KICS2: variants seen among roughly 807,000 people sequenced by gnomAD.
The protein encoded by KICS2 is KICSTOR subunit 2.
Under a neutral mutation model 31.4 loss-of-function variants are expected in KICS2, and 13 were observed. The ratio of observed to expected loss-of-function variants is 0.41; its 90% CI spans 0.27 to 0.66. The LOEUF (loss-of-function observed/expected upper bound fraction) is 0.66. Among genes scored for constraint, KICS2 ranks in the 30% least tolerant of loss-of-function variants. KICS2 has a pLI of 0.28. For synonymous variants in KICS2, 209 were observed against 214.8 expected, an observed-to-expected ratio of 0.97 and a Z score of 0.24; for missense variants, 455 against 545.4, an observed-to-expected ratio of 0.83 and a Z score of 1.65.
At chr12:64,208,653 G>A (rs900084830) in intron 2 of KICS2, among the ~76,000 whole-genome samples, 10 of 152,224 alleles carry the variant, frequency 6.6e-5, no homozygotes, top group East Asian at 3.9e-4. Context: ...TCTGCCTTTC[G>A]TGAGAAATTT....
At chr12:64,209,089 T>C (rs1048224805) in intron 2 of KICS2, among the ~76,000 whole-genome samples, 10 of 152,090 alleles carry the variant, frequency 6.6e-5, no homozygotes, top group Admixed American at 3.3e-4. Context: ...CCAAGTTCTA[T>C]TGCTCCTCAA....
chr12:64,222,080 G>A lies in KICS2; in HGVS notation c.158C>T (p.Ser53Leu). 1.9e-6 allele frequency: 3 copies of A among 1,613,964 alleles called. No individual in the cohort carries two copies. The highest frequency in any genetic ancestry group is 2.5e-6 in the Non-Finnish European group (3 of 1,179,942). ...CAGGTGCGCCAAGGCCGCCAGCAGC[G>A]ACAGCCAGCTGCCCCCCGCGCTCTT... The part of the protein sequence containing the change: ...ANKSAGGSWL[S>L]LLAALAHLAA... Residue 53 changes from serine (S) to leucine (L), a missense_variant, in exon 1 of 3, where the codon TCG becomes TTG. Transcript: ENST00000398055.
At chr12:64,187,527 T>A, downstream of KICS2, 2 of 1,034,228 alleles carry the variant, frequency 1.9e-6, no homozygotes, top group South Asian at 1.4e-5. Context: ...TTACACCATA[T>A]CAAGAGAAGT....
chr12:64,212,992 G>A (rs968874956), intron 2 of KICS2, among the ~76,000 whole-genome samples: 5 of 151,620 alleles, frequency 3.3e-5, no homozygotes, highest in Non-Finnish European at 4.4e-5. Flanking sequence ...TTGGTGGGCT[G>A]GGGTGGGAAG....
chr12:64,211,959 A>T (rs1354869422), intron 2 of KICS2, among the ~76,000 whole-genome samples: 1 of 152,208 alleles, frequency 6.6e-6, no homozygotes, highest in Non-Finnish European at 1.5e-5. Flanking sequence ...ATGATTATGT[A>T]TGGTTCTTAG....
intron 2 of KICS2, among the ~76,000 whole-genome samples, chr12:64,203,916 T>C (rs931963173): frequency 6.6e-6 from 1 of 152,124 alleles, no homozygotes; most frequent in Non-Finnish European, 1.5e-5. Context: ...ATATACACAA[T>C]CCATGGAATA....
chr12:64,198,823 C>T (rs1423113352), intron 2 of KICS2, among the ~76,000 whole-genome samples: 5 of 145,686 alleles, frequency 3.4e-5, no homozygotes, highest in Non-Finnish European at 7.6e-5. Context: ...ACTACAAACA[C>T]CTCTACGCAA....
chr12:64,193,358 A>G lies in KICS2; in HGVS notation c.*484T>C. The stretch of plus-strand genomic sequence containing the variant: ...ATGTTAATTTGTAGATCAGAATCAT[A>G]AATCTACTAACTCCATATTCATTTG... On this transcript the variant is annotated 3_prime_UTR_variant, in exon 3 of 3. Transcript: ENST00000398055. 1 of 985,504 alleles carries G rather than the reference A, an allele frequency of 1.0e-6. No individual in the cohort carries two copies. The allele number at this position is 985,504 out of a possible 1,614,324, so 61.0% of individuals were successfully genotyped here. A position where few individuals can be genotyped will look rare whatever the true frequency, so the allele number is the denominator to read the frequency against.
intron 2 of KICS2, among the ~76,000 whole-genome samples, chr12:64,209,358 G>A (rs1430680036): frequency 1.3e-5 from 2 of 152,178 alleles, no homozygotes; most frequent in East Asian, 3.9e-4. Flanking sequence ...GCTAAGCGGG[G>A]TTGATCACCT....
At chr12:64,202,321 A>G (rs968486813) in intron 2 of KICS2, among the ~76,000 whole-genome samples, 1 of 152,092 alleles carries the variant, frequency 6.6e-6, no homozygotes, top group Non-Finnish European at 1.5e-5. Flanking sequence ...TGAGGTGGGA[A>G]GATCACCTGA....
At chr12:64,187,770 A>C, downstream of KICS2, 1 of 776,060 alleles carries the variant, frequency 1.3e-6, no homozygotes, top group Non-Finnish European at 2.0e-6. Flanking sequence ...TAGTTTTCTT[A>C]CATTTTTACT....
At chr12:64,187,655 G>C, downstream of KICS2, 1 of 1,535,228 alleles carries the variant, frequency 6.5e-7, no homozygotes. Context: ...ACAGGAACCT[G>C]GTAGAAAAGT....
intron 2 of KICS2, among the ~76,000 whole-genome samples, chr12:64,211,960 T>C (rs2037586102): frequency 6.6e-6 from 1 of 152,188 alleles, no homozygotes; most frequent in African/African-American, 2.4e-5. Flanking sequence ...TGATTATGTA[T>C]GGTTCTTAGA....
intron 2 of KICS2, among the ~76,000 whole-genome samples, chr12:64,212,862 G>A (rs534241809): frequency 1.3e-5 from 2 of 152,164 alleles, no homozygotes; most frequent in South Asian, 4.2e-4. Flanking sequence ...GGCTGAGGTG[G>A]GTGGATTGCT....
intron 2 of KICS2, among the ~76,000 whole-genome samples, chr12:64,214,598 G>A (rs2037611200): frequency 1.3e-5 from 2 of 152,050 alleles, no homozygotes. Flanking sequence ...AGCTCAACTC[G>A]GCTGGGCATG....
chr12:64,217,940 GAGAA>G (rs962833608), intron 1 of KICS2, among the ~76,000 whole-genome samples: 46 of 152,084 alleles, frequency 3.0e-4, no homozygotes, highest in Admixed American at 1.2e-3. Flanking sequence ...AAGAAAGAAA[GAGAA>G]AGAAAGAAAG....
intron 1 of KICS2, among the ~76,000 whole-genome samples, chr12:64,218,381 C>A (rs2037649398): frequency 6.6e-6 from 1 of 152,114 alleles, no homozygotes; most frequent in Admixed American, 6.6e-5. Flanking sequence ...AACTACTGAA[C>A]CACTTTGAGC....
At chr12:64,195,213 C>G (rs2037422535) in intron 2 of KICS2, among the ~76,000 whole-genome samples, 1 of 152,168 alleles carries the variant, frequency 6.6e-6, no homozygotes, top group African/African-American at 2.4e-5. Flanking sequence ...CCATGCCTGG[C>G]CTAAATTAGG....
intron 2 of KICS2, among the ~76,000 whole-genome samples, chr12:64,208,644 C>G (rs1357355976): frequency 6.6e-6 from 1 of 152,168 alleles, no homozygotes; most frequent in Non-Finnish European, 1.5e-5. Flanking sequence ...AATTGTAGTT[C>G]TGCCTTTCGT....
Sources: allele counts gnomAD v4.1 joint callset (sites outside exome capture counted in the v4.1 genomes callset), GRCh38; gene constraint gnomAD v4.1.1; transcripts MANE v1.5; gene names NCBI Gene and HGNC (gene_info 2026-07-23, HGNC 2026-07-21).